The following WWOX variants were observed in gnomAD, a reference collection of about 807,000 sequenced individuals.
WWOX encodes WW domain-containing oxidoreductase.
Under a neutral mutation model 46.2 loss-of-function variants are expected in WWOX, and 69 were observed. The ratio of observed to expected loss-of-function variants is 1.49; its 90% confidence interval spans 1.23 to 1.82. The LOEUF is 1.82. Among genes scored for constraint, WWOX ranks in the 40% most tolerant of loss-of-function variants. The pLI is 0.00. For synonymous variants in WWOX, 359 were observed against 202.6 expected, an observed-to-expected ratio of 1.77 and a Z score of -6.56; for missense variants, 919 against 542.6, an observed-to-expected ratio of 1.69 and a Z score of -6.89.
intron 8 of WWOX, among the ~76,000 whole-genome samples, chr16:79,029,970 C>G (rs1409037797): frequency 1.3e-5 from 2 of 152,126 alleles, no homozygotes; most frequent in African/African-American, 2.4e-5. Flanking sequence ...CTTGATGATC[C>G]TGGTGGTAGG....
intron 8 of WWOX, among the ~76,000 whole-genome samples, chr16:78,643,392 C>T (rs1360218350): frequency 6.6e-6 from 1 of 152,136 alleles, no homozygotes; most frequent in Non-Finnish European, 1.5e-5. Flanking sequence ...TTTCCAGTGG[C>T]TAGTTCAGGG....
intron 8 of WWOX, among the ~76,000 whole-genome samples, chr16:78,542,510 C>T (rs1323833057): frequency 6.6e-6 from 1 of 152,078 alleles, no homozygotes; most frequent in Non-Finnish European, 1.5e-5. Flanking sequence ...AACCACATTG[C>T]TTACTATTGT....
intron 8 of WWOX, among the ~76,000 whole-genome samples, chr16:78,651,563 C>A (rs754900432): frequency 6.6e-6 from 1 of 152,158 alleles, no homozygotes; most frequent in South Asian, 2.1e-4. Flanking sequence ...TAAACTCTTG[C>A]CTTTACCTGT....
chr16:79,066,133 C>A (rs1290567376), intron 8 of WWOX, among the ~76,000 whole-genome samples: 2 of 152,152 alleles, frequency 1.3e-5, no homozygotes, highest in Admixed American at 6.5e-5. Flanking sequence ...GCCCAAGAAC[C>A]TTTTCATCTA....
At chr16:78,588,347 A>G (rs1393843119) in intron 8 of WWOX, among the ~76,000 whole-genome samples, 1 of 152,176 alleles carries the variant, frequency 6.6e-6, no homozygotes, top group Non-Finnish European at 1.5e-5. Context: ...AGCCTGATTT[A>G]TTGAGGCTGC....
At position 78,731,227 on chromosome 16, in the gene WWOX, G is replaced by C. The variant is rs140884653; in HGVS notation, c.1056+298475G>C. On this transcript the variant is annotated intron_variant, in intron 8 of 8. Transcript: ENST00000566780. ...CTGTATTAATTAAAGACAGGGCCTG[G>C]TACTTGACATGGCAGTGTGATGTGT... is the stretch of plus-strand genomic sequence containing the variant. Among the ~76,000 whole-genome samples, 494 of 152,230 alleles carry C rather than the reference G, an allele frequency of 3.2e-3. 2 individuals are homozygous for C. Among genetic ancestry groups the C allele is most frequent in the Middle Eastern group, 0.017 (5 of 294 alleles).
At chr16:78,751,488 T>TATATGC (rs2049477947) in intron 8 of WWOX, among the ~76,000 whole-genome samples, 1 of 142,528 alleles carries the variant, frequency 7.0e-6, no homozygotes, top group South Asian at 2.2e-4. Context: ...TATATATATA[T>TATATGC]GCATATGTTT....
chr16:79,023,069 A>G (rs1047672940), intron 8 of WWOX, among the ~76,000 whole-genome samples: 8 of 152,128 alleles, frequency 5.3e-5, no homozygotes, highest in African/African-American at 1.2e-4. Flanking sequence ...AATACCTACA[A>G]TAACCACAAT....
intron 6 of WWOX, among the ~76,000 whole-genome samples, chr16:78,390,267 C>G (rs76763358): frequency 0.011 from 1,741 of 152,320 alleles, 31 homozygotes; most frequent in South Asian, 0.049. Context: ...AGAGAGCCAA[C>G]TGTTACATAA....
intron 8 of WWOX, among the ~76,000 whole-genome samples, chr16:78,469,773 C>G (rs1427623846): frequency 6.6e-6 from 1 of 152,144 alleles, no homozygotes; most frequent in African/African-American, 2.4e-5. Flanking sequence ...TTCCCTGTTT[C>G]CCTAAGAAGA....
rs190254222 is a variant in WWOX at position 78,186,796 on chromosome 16, A to C, written c.516+22507A>C. Among the ~76,000 whole-genome samples the C allele has an allele frequency of 3.5e-3, 528 of 152,316 alleles. 3 individuals carry two copies. The highest frequency in any genetic ancestry group is 5.4e-3 in the Non-Finnish European group (369 of 68,028). On this transcript the variant is annotated intron_variant, in intron 5 of 8. Transcript: ENST00000566780. Reference sequence around the variant, plus strand: ...AAAATAAATAAAAAGCTTTGTTTTAAAATAAGTTTAGATTCTCATAGAAGT... The same window carrying C: ...AAAATAAATAAAAAGCTTTGTTTTACAATAAGTTTAGATTCTCATAGAAGT...
Position 78,126,518 on chromosome 16 carries a change from A to G in WWOX, c.409+11364A>G, listed in dbSNP as rs12599922. On this transcript the variant is annotated intron_variant, in intron 4 of 8. Transcript: ENST00000566780. ...GCCCTTTCATCTTATATGCATGACT[A>G]TTGGATATGTATCGATTACTAATTG... Among the ~76,000 whole-genome samples the G allele has an allele frequency of 1.4e-4, 21 of 152,256 alleles. No individual in the cohort carries two copies. In the East Asian group the frequency reaches 2.7e-3, roughly 20 times the overall value.
At chr16:78,242,330 T>C (rs375994077) in intron 5 of WWOX, among the ~76,000 whole-genome samples, 76 of 152,362 alleles carry the variant, frequency 5.0e-4, no homozygotes, top group African/African-American at 1.6e-3. Flanking sequence ...ATTTGTAAAA[T>C]GATATGCTGT....
intron 4 of WWOX, among the ~76,000 whole-genome samples, chr16:78,160,314 G>T (rs1275242632): frequency 6.6e-6 from 1 of 151,916 alleles, no homozygotes; most frequent in Non-Finnish European, 1.5e-5. Context: ...TTGTAGAGAT[G>T]GAATTTTGCC....
At chr16:78,905,967 G>C (rs908027120) in intron 8 of WWOX, among the ~76,000 whole-genome samples, 1 of 152,198 alleles carries the variant, frequency 6.6e-6, no homozygotes, top group South Asian at 2.1e-4. Context: ...AAAGGGAGAA[G>C]TAGCTGCATG....
rs1475363115 is a variant in WWOX at position 79,212,016 on chromosome 16, C to G, written c.*220C>G. On this transcript the variant is annotated 3_prime_UTR_variant, in exon 9 of 9. Transcript: ENST00000566780. ...TTCTGGGGCTGGGCTAGGCATAGGTCTCTTTGCTTTCTGGTGGTGGCCTGT... is the reference window on the plus strand; with the variant it reads ...TTCTGGGGCTGGGCTAGGCATAGGTGTCTTTGCTTTCTGGTGGTGGCCTGT... 3.9e-6 allele frequency: 6 copies of G among 1,536,118 alleles called. No individual in the cohort carries two copies. The highest frequency in any genetic ancestry group is 4.4e-6 in the Non-Finnish European group (5 of 1,146,934).
chr16:78,862,789 C>T (rs558490569), intron 8 of WWOX, among the ~76,000 whole-genome samples: 9 of 152,022 alleles, frequency 5.9e-5, no homozygotes, highest in Non-Finnish European at 1.2e-4. Context: ...TATGAAGCCA[C>T]CCACACTGGG....
intron 8 of WWOX, among the ~76,000 whole-genome samples, chr16:78,458,260 T>G (rs1226755063): frequency 7.0e-3 from 3 of 426 alleles, no homozygotes; most frequent in Middle Eastern, 0.5. Context: ...TTGGTATAGT[T>G]TTTTTTTTTT....
chr16:78,332,719 T>C (rs1486223112), intron 5 of WWOX, among the ~76,000 whole-genome samples: 1 of 152,170 alleles, frequency 6.6e-6, no homozygotes, highest in Non-Finnish European at 1.5e-5. Flanking sequence ...TATAATAATG[T>C]CATGATGACT....
Sources: allele counts gnomAD v4.1 joint callset (sites outside exome capture counted in the v4.1 genomes callset), GRCh38; gene constraint gnomAD v4.1.1; transcripts MANE v1.5; gene names NCBI Gene and HGNC (gene_info 2026-07-23, HGNC 2026-07-21).